NXF1: variants seen among roughly 807,000 people sequenced by gnomAD.
NXF1 encodes nuclear RNA export factor 1, also known as mRNA export factor TAP.
Under a neutral mutation model 92.4 loss-of-function variants are expected in NXF1, and 43 were observed. That is an observed-to-expected ratio of 0.47 (90% CI 0.36 to 0.60). NXF1 has a LOEUF of 0.60. NXF1 is among the 20% of genes least tolerant of loss of function. The pLI, the probability that NXF1 is intolerant of heterozygous loss-of-function variation, is 0.00. For missense variants in NXF1, 576 were observed against 793.0 expected (o/e 0.73, Z 3.29); for synonymous variants, 288 against 292.2 (o/e 0.99, Z 0.15).
intron 19 of NXF1, 149 bp from the exon 20 acceptor site, chr11:62,792,850 AG>A: frequency 1.5e-6 from 1 of 652,712 alleles, no homozygotes; most frequent in Non-Finnish European, 2.7e-6. Context: ...CATTAGTAAA[AG>A]TCCAGATGTT....
chr11:62,792,393 C>T lies in NXF1; in HGVS notation c.*83G>A. 1.3e-6 allele frequency: 2 copies of T among 1,559,240 alleles called. No individual in the cohort carries two copies. The highest frequency in any genetic ancestry group is 1.8e-6 in the Non-Finnish European group (2 of 1,130,542). The stretch of plus-strand genomic sequence containing the variant: ...AGTCACGGGGCGGCCTCGGGCCAGA[C>T]AGGAGGAGATGACAGACGACAACCA... On this transcript the variant is annotated 3_prime_UTR_variant, in exon 21 of 21. Coordinates refer to ENST00000294172, the MANE Select transcript of NXF1 (RefSeq NM_006362.5).
chr11:62,796,153 C>T lies in NXF1; in HGVS notation c.1374G>A (p.Thr458=), dbSNP rs746034281. Residue 458 remains threonine (T), a synonymous_variant, in exon 16 of 21, where the codon ACG becomes ACA. Coordinates refer to ENST00000294172, the MANE Select transcript of NXF1 (RefSeq NM_006362.5). ...PTLRFRLLKH[T]RLNVVAFLNE... is the part of the protein sequence containing the mutation. ...TGAGGAAGGCAACAACGTTGAGACG[C>T]GTGTGCTTCAGCAGCCGGAACCGCA... 13 of 1,614,152 alleles carry T rather than the reference C, an allele frequency of 8.1e-6. No individual in the cohort carries two copies. The highest frequency in any genetic ancestry group is 1.6e-4 in the Middle Eastern group (1 of 6,062).
At position 62,796,308 on chromosome 11, in the gene NXF1, C is replaced by T. The variant is rs1164957974; in HGVS notation, c.1324G>A (p.Val442Met). ...TTACTAGGGTCTTTAAGCTTCTTCA[C>T]ATTTCTGCTATCCTTGAAATACTCG... Reference protein sequence around the residue: ...LAEYFKDSRNVKKLKDPTLRF... With the variant: ...LAEYFKDSRNMKKLKDPTLRF... The change falls in exon 15 of 21, where the codon GTG (valine) becomes ATG (methionine). Residue 442 changes from valine (V) to methionine (M), a missense_variant. Physicochemically the swap from Val to Met is conservative, Grantham distance 21. Around this residue, in one of 2 missense-constraint regions of NXF1, gnomAD observed 425 missense variants for 635.2 expected, o/e 0.67. Transcript: ENST00000294172. 5 of 1,614,036 alleles carry T rather than the reference C, an allele frequency of 3.1e-6. No homozygotes were observed. The African/African-American group carries it at 4.0e-5, about 13-fold the overall frequency.
chr11:62,802,381 C>G (rs2084488917), intron 3 of NXF1, 121 bp from the exon 4 acceptor site: 8 of 714,662 alleles, frequency 1.1e-5, no homozygotes, highest in Non-Finnish European at 1.9e-5. Context: ...AGGACCAGTA[C>G]TAGGTTTTCT....
intron 10 of NXF1, chr11:62,799,787 GC>G (rs2084458865): frequency 1.0e-6 from 1 of 985,788 alleles, no homozygotes; most frequent in East Asian, 1.1e-4. Context: ...TTCAGGGAGA[GC>G]CCAGCTCATA....
chr11:62,799,340 G>A (rs1016400753), intron 10 of NXF1: 12 of 985,744 alleles, frequency 1.2e-5, no homozygotes, highest in Non-Finnish European at 1.4e-5. Context: ...ACTTGCTGTT[G>A]GCCAGGTCTC....
intron 13 of NXF1, among the ~76,000 whole-genome samples, chr11:62,796,790 T>G (rs935598412): frequency 4.6e-5 from 7 of 151,758 alleles, no homozygotes; most frequent in African/African-American, 1.7e-4. Flanking sequence ...AAAAAATGGC[T>G]AGGTGCGGTG....
intron 18 of NXF1, 176 bp downstream of exon 18, chr11:62,794,759 C>CCA: frequency 1.6e-6 from 1 of 629,364 alleles, no homozygotes; most frequent in Non-Finnish European, 2.8e-6. Context: ...GGATGAAAAC[C>CCA]CAGACGGTAC....
Position 62,794,153 on chromosome 11 carries a change from A to G in NXF1, c.1760+105T>C, listed in dbSNP as rs2084396819. The G allele has an allele frequency of 6.8e-6, 7 of 1,034,984 alleles. No individual in the cohort carries two copies. In the South Asian group the frequency reaches 1.2e-4, roughly 17 times the overall value. The allele number at this position is 1,034,984 out of a possible 1,614,324, so 64.1% of individuals were successfully genotyped here. On this transcript the variant is annotated intron_variant, in intron 19 of 20. Transcript: ENST00000294172. ...ATACTCCAGCCTGGATGACAGCGCA[A>G]GAACTTGTCTCCAAAAAAAAAACAA...
rs563978252 is a variant in NXF1 at position 62,804,899 on chromosome 11, A to C, written c.28+430T>G. Reference sequence around the variant, plus strand: ...ACACCCAGTGTAGTGTTCAGACTAGAATATCCAGTTGATGTGTAAGTCTCG... The same window carrying C: ...ACACCCAGTGTAGTGTTCAGACTAGCATATCCAGTTGATGTGTAAGTCTCG... On this transcript the variant is annotated intron_variant, in intron 1 of 20. Transcript: ENST00000294172. Among the ~76,000 whole-genome samples the C allele has an allele frequency of 2.0e-5, 3 of 152,294 alleles. No homozygotes were observed. In the South Asian group the frequency reaches 6.2e-4, roughly 32 times the overall value.
intron 10 of NXF1, chr11:62,799,966 G>A: frequency 1.0e-6 from 1 of 1,000,260 alleles, no homozygotes; most frequent in South Asian, 4.4e-5. Flanking sequence ...ATCTCAGTAG[G>A]AAGTCCCAGG....
chr11:62,797,336 C>A lies in NXF1; in HGVS notation c.1104G>T (p.Thr368=). The change falls in exon 12 of 21, where the codon ACG becomes ACT. Residue 368 remains threonine, a synonymous_variant. Transcript: ENST00000294172. ...TTCCTACCTTGCAGGGCGGTAACGT[C>A]GTGGGGGCTTCAACATCAAAGGCAA... ...PPIAFDVEAP[T]TLPPCKGSYF... 6.2e-7 allele frequency: 1 copy of A among 1,614,092 alleles called. No homozygotes were observed. The highest frequency in any genetic ancestry group is 8.5e-7 in the Non-Finnish European group (1 of 1,180,012).
chr11:62,804,134 A>T (rs1447011994), intron 1 of NXF1, 156 bp from the exon 2 acceptor site: 87 of 1,548,770 alleles, frequency 5.6e-5, no homozygotes, highest in Non-Finnish European at 7.1e-5. Flanking sequence ...ACAGGAAAGA[A>T]CCCTCTCTGT....
intron 17 of NXF1, 128 bp from the exon 18 acceptor site, chr11:62,795,135 G>T: frequency 1.2e-6 from 1 of 864,540 alleles, no homozygotes; most frequent in Non-Finnish European, 1.8e-6. Flanking sequence ...GTATATAAGG[G>T]TATAAGGGAA....
rs377645345 is a variant in NXF1 at position 62,801,375 on chromosome 11, C to A, written c.752G>T (p.Ser251Ile). 6.2e-7 allele frequency: 1 copy of A among 1,614,042 alleles called. No homozygotes were observed. Among genetic ancestry groups the A allele is most frequent in the African/African-American group, 1.3e-5 (1 of 74,926 alleles). ...GATCCTCAGGGTAGCTGCCATACAG[C>A]TTCTGCGATTCAGGACAACGTCAAT... The part of the protein sequence containing the change: ...QNIDVVLNRR[S>I]CMAATLRIIE... The change falls in exon 8 of 21, where the codon AGC (serine) becomes ATC (isoleucine). Residue 251 changes from serine (S) to isoleucine (I), a missense_variant. By Grantham distance (142) the Ser-to-Ile change is moderately radical. Around this residue, in one of 2 missense-constraint regions of NXF1, gnomAD observed 425 missense variants for 635.2 expected, o/e 0.67. Coordinates refer to ENST00000294172, the MANE Select transcript of NXF1 (RefSeq NM_006362.5).
At chr11:62,803,397 T>A in intron 3 of NXF1, 22 bp downstream of exon 3, 1 of 1,610,164 alleles carries the variant, frequency 6.2e-7, no homozygotes, top group Admixed American at 1.7e-5. Context: ...TACTGTACCA[T>A]CTACTTTCTC....
Position 62,801,999 on chromosome 11 carries a change from A to C in NXF1, c.501T>G (p.Ser167Arg). ...TRAQFFVEDA[S>R]TASALKAVNY... ...TGACAGCCTTCAATGCAGAGGCAGTACTGGCGTCTTCAACGAAGAACTGGG... is the reference window on the plus strand; with the variant it reads ...TGACAGCCTTCAATGCAGAGGCAGTCCTGGCGTCTTCAACGAAGAACTGGG... The change falls in exon 5 of 21, where the codon AGT becomes AGG. Residue 167 changes from serine (S) to arginine (R), a missense_variant. Ser to Arg is a moderately radical substitution (Grantham distance 110). Coordinates refer to ENST00000294172, the MANE Select transcript of NXF1 (RefSeq NM_006362.5). The C allele has an allele frequency of 6.2e-7, 1 of 1,614,274 alleles. No individual in the cohort carries two copies. Among genetic ancestry groups the C allele is most frequent in the Non-Finnish European group, 8.5e-7 (1 of 1,180,048 alleles).
chr11:62,792,860 TTCTACCAA>T, intron 19 of NXF1, 159 bp from the exon 20 acceptor site: 1 of 631,596 alleles, frequency 1.6e-6, no homozygotes, highest in East Asian at 2.7e-5. Flanking sequence ...AGTCCAGATG[TTCTACCAA>T]TGGCTTCTCA....
intron 10 of NXF1, 174 bp from the exon 11 acceptor site, chr11:62,798,749 G>A (rs2084447686): frequency 2.8e-6 from 4 of 1,420,578 alleles, no homozygotes; most frequent in African/African-American, 1.4e-5. Context: ...CCTGACCCGG[G>A]GCACCCAGAC....
Sources: allele counts gnomAD v4.1 joint callset (sites outside exome capture counted in the v4.1 genomes callset), GRCh38; gene constraint gnomAD v4.1.1; regional missense constraint gnomAD v4.1.1; transcripts MANE v1.5; gene names NCBI Gene and HGNC (gene_info 2026-07-23, HGNC 2026-07-21).